Variants in SLC4A7 observed in about 807,000 individuals in gnomAD.
The protein encoded by SLC4A7 is sodium bicarbonate cotransporter 3.
A neutral mutation model predicts 137.6 loss-of-function variants in SLC4A7; 51 were observed. The ratio of observed to expected loss-of-function variants is 0.37; its 90% CI spans 0.30 to 0.47. The LOEUF (loss-of-function observed/expected upper bound fraction) is 0.47, where lower values mean the gene tolerates loss of function less well. Ranked by LOEUF, SLC4A7 falls within the 20% of genes least tolerant of loss-of-function variation. The pLI, the probability that SLC4A7 is intolerant of heterozygous loss-of-function variation, is 1.00. For missense variants in SLC4A7, 1,247 were observed against 1,525.4 expected (o/e 0.82, Z 3.04); for synonymous variants, 542 against 518.6 (o/e 1.05, Z -0.61).
At chr3:27,425,960 GT>G (rs1003042092) in intron 7 of SLC4A7, among the ~76,000 whole-genome samples, 7 of 152,102 alleles carry the variant, frequency 4.6e-5, no homozygotes, top group Non-Finnish European at 7.4e-5. Context: ...CTGTTTTGTG[GT>G]TAGATTCTAT....
chr3:27,473,705 C>T (rs1476118937), intron 1 of SLC4A7, among the ~76,000 whole-genome samples: 10 of 59,462 alleles, frequency 1.7e-4, no homozygotes, highest in South Asian at 7.9e-4. Flanking sequence ...GACCTCATGT[C>T]AAAAAAAAAA....
rs776719264 is a variant in SLC4A7, at chr3:27,448,691, T to G, written c.249A>C (p.Lys83Asn). 1.2e-6 allele frequency: 2 copies of G among 1,613,220 alleles called. No homozygotes were observed. Among genetic ancestry groups the G allele is most frequent in the African/African-American group, 2.7e-5 (2 of 74,866 alleles). The change falls in exon 3 of 26, where the codon AAA (lysine) becomes AAC (asparagine). Residue 83 changes from lysine (K) to asparagine (N), a missense_variant. Transcript: ENST00000454389. ...CCCGTCCATCTTCTTTATCTGATTC[T>G]TTATCTTTTCTTCTCCGGTGGTGAT... The part of the protein sequence containing the change: ...HKHHHRRRKD[K>N]ESDKEDGRES...
chr3:27,403,390 T>C lies in SLC4A7; in HGVS notation c.2076-6A>G. On this transcript the variant is annotated splice_polypyrimidine_tract_variant and splice_region_variant and intron_variant, in intron 14 of 25. Transcript: ENST00000454389. ...GATAAGAAAGTTGATAATCTCTGTT[T>C]AGAAAGAAAAATATGAATATGATAA... 1 of 1,561,656 alleles carries C rather than the reference T, an allele frequency of 6.4e-7. No homozygotes were observed. The highest frequency in any genetic ancestry group is 2.2e-5 in the East Asian group (1 of 44,484).
chr3:27,408,457 A>G (rs114629091), intron 13 of SLC4A7, among the ~76,000 whole-genome samples: 1,612 of 152,340 alleles, frequency 0.011, 23 homozygotes, highest in African/African-American at 0.037. Flanking sequence ...ATCCAAAATA[A>G]ATTCAGAGTT....
intron 25 of SLC4A7, among the ~76,000 whole-genome samples, chr3:27,378,942 C>T (rs1451120007): frequency 1.3e-5 from 2 of 152,030 alleles, no homozygotes; most frequent in Non-Finnish European, 2.9e-5. Context: ...TCACTCTTGT[C>T]CCCCAGGCTG....
intron 2 of SLC4A7, 44 bp from the exon 3 acceptor site, chr3:27,448,841 A>G (rs747950255): frequency 4.7e-6 from 7 of 1,478,008 alleles, no homozygotes; most frequent in Non-Finnish European, 6.4e-6. Context: ...TCCAAAAGAG[A>G]AAAAAGTGAT....
chr3:27,420,114 G>A (rs747158190), intron 10 of SLC4A7, among the ~76,000 whole-genome samples: 1 of 151,446 alleles, frequency 6.6e-6, no homozygotes, highest in African/African-American at 2.4e-5. Flanking sequence ...GCAGTGAGCC[G>A]AGATTGCACC....
Position 27,439,560 on chromosome 3 carries a change from T to C in SLC4A7, c.290-2034A>G, listed in dbSNP as rs181033024. 3.3e-3 allele frequency among the ~76,000 whole-genome samples: 500 copies of C among 152,308 alleles called. 4 individuals are homozygous for C. Among genetic ancestry groups the C allele is most frequent in the African/African-American group, 0.012 (480 of 41,582 alleles). ...AATTTCTCATTACTCATTGCAACTA[T>C]ATAGAAATATAATTGATTTTATATC... On this transcript the variant is annotated intron_variant, in intron 3 of 25. Transcript: ENST00000454389.
At chr3:27,437,704 GA>G (rs1164904868) in intron 3 of SLC4A7, among the ~76,000 whole-genome samples, 178 bp from the exon 4 acceptor site, 212 of 124,856 alleles carry the variant, frequency 1.7e-3, no homozygotes, top group East Asian at 8.1e-3. Flanking sequence ...AACAATCCAG[GA>G]AAAAAAAAAA....
rs181130297 is a variant in SLC4A7, at chr3:27,452,807, T to C, written c.61-309A>G. Among the ~76,000 whole-genome samples, 25 of 152,282 alleles carry C rather than the reference T, an allele frequency of 1.6e-4. 1 individual carries two copies. In the East Asian group the frequency reaches 4.6e-3, roughly 28 times the overall value. ...AAGACAGACCTTCTAGGGTCAGAGA[T>C]TAAAGAAAATGTGATGTGAGAGGAA... On this transcript the variant is annotated intron_variant, in intron 1 of 25. Coordinates refer to ENST00000454389, the MANE Select transcript of SLC4A7 (RefSeq NM_001321103.2).
At chr3:27,406,988 A>G (rs1361365528) in intron 13 of SLC4A7, among the ~76,000 whole-genome samples, 1 of 152,140 alleles carries the variant, frequency 6.6e-6, no homozygotes, top group African/African-American at 2.4e-5. Flanking sequence ...GAAAAAAAGC[A>G]AAACATTGAG....
chr3:27,405,850 AAG>A (rs2053291923), intron 13 of SLC4A7, among the ~76,000 whole-genome samples: 1 of 152,232 alleles, frequency 6.6e-6, no homozygotes, highest in Non-Finnish European at 1.5e-5. Flanking sequence ...ATGAAAGACT[AAG>A]AGAATTTAAA....
intron 1 of SLC4A7, among the ~76,000 whole-genome samples, chr3:27,483,564 G>C (rs185510742): frequency 6.6e-6 from 1 of 152,344 alleles, no homozygotes; most frequent in Admixed American, 6.5e-5. Context: ...CGGAAAGAGG[G>C]GGAAAGATTC....
intron 1 of SLC4A7, among the ~76,000 whole-genome samples, chr3:27,483,027 TAGG>T (rs1279513973): frequency 2.0e-5 from 3 of 152,148 alleles, no homozygotes; most frequent in South Asian, 2.1e-4. Flanking sequence ...AATAAAAACA[TAGG>T]AGAAGTAATT....
At position 27,420,734 on chromosome 3, in the gene SLC4A7, A is replaced by G; in HGVS notation, c.1478T>C (p.Ile493Thr). The G allele has an allele frequency of 6.2e-7, 1 of 1,613,748 alleles. No individual in the cohort carries two copies. Among genetic ancestry groups the G allele is most frequent in the Non-Finnish European group, 8.5e-7 (1 of 1,179,758 alleles). ...PAGKAPQYHEIGRSIATLMTD... is the reference protein window; with the variant it reads ...PAGKAPQYHETGRSIATLMTD... Reference sequence around the variant, plus strand: ...CATGAGAGTGGCTATTGATCGTCCAATTTCATGGTACTGTGGTGCCTTGCC... The same window carrying G: ...CATGAGAGTGGCTATTGATCGTCCAGTTTCATGGTACTGTGGTGCCTTGCC... The change falls in exon 10 of 26, where the codon ATT becomes ACT. Residue 493 changes from isoleucine (I) to threonine (T), a missense_variant. Around this residue, in one of 6 missense-constraint regions of SLC4A7, gnomAD observed 499 missense variants for 664.2 expected, o/e 0.75. Coordinates refer to ENST00000454389, the MANE Select transcript of SLC4A7 (RefSeq NM_001321103.2).
chr3:27,412,487 G>C (rs779085425), intron 11 of SLC4A7, among the ~76,000 whole-genome samples: 6 of 152,102 alleles, frequency 3.9e-5, no homozygotes, highest in Non-Finnish European at 7.4e-5. Flanking sequence ...AAAGGCTCTA[G>C]GTGAATAAAA....
intron 1 of SLC4A7, among the ~76,000 whole-genome samples, chr3:27,482,352 C>T (rs549054439): frequency 1.2e-4 from 18 of 152,252 alleles, no homozygotes; most frequent in East Asian, 5.8e-4. Context: ...TATCCAGCTC[C>T]GTGAAAACTC....
At chr3:27,449,328 CAATT>C (rs1172359594) in intron 2 of SLC4A7, among the ~76,000 whole-genome samples, 35 of 149,520 alleles carry the variant, frequency 2.3e-4, no homozygotes, top group Middle Eastern at 3.6e-3. Context: ...ATTTTAATAA[CAATT>C]AAATACTTTA....
intron 6 of SLC4A7, 110 bp downstream of exon 6, chr3:27,433,806 A>C: frequency 1.2e-6 from 1 of 837,516 alleles, no homozygotes; most frequent in South Asian, 1.6e-5. Flanking sequence ...GAAGTAATTC[A>C]GAGGTAGGTA....
Sources: gnomAD v4.1 joint callset for allele counts (sites outside exome capture counted in the v4.1 genomes callset) on GRCh38, gnomAD v4.1.1 for gene constraint, gnomAD v4.1.1 regional missense constraint, MANE v1.5 for transcripts, NCBI Gene and HGNC (gene_info 2026-07-23, HGNC 2026-07-21) for gene names.